SEC24D: variants seen among roughly 807,000 people sequenced by gnomAD.
The protein encoded by SEC24D is SEC24 homolog D, COPII component.
Under a neutral mutation model 116.9 loss-of-function variants are expected in SEC24D, and 69 were observed. The observed-to-expected ratio is 0.59, with a 90% confidence interval of 0.49 to 0.72. The LOEUF (loss-of-function observed/expected upper bound fraction) is 0.72. SEC24D is among the 30% of genes least tolerant of loss of function. SEC24D has a pLI of 0.00. For synonymous variants in SEC24D, 405 were observed against 442.8 expected (o/e 0.91, Z 1.07); for missense variants, 1,131 against 1,264.1 (o/e 0.89, Z 1.60).
chr4:118,798,824 G>A (rs893003051), intron 7 of SEC24D, among the ~76,000 whole-genome samples: 4 of 152,218 alleles, frequency 2.6e-5, no homozygotes, highest in African/African-American at 7.2e-5. Flanking sequence ...TACCCTAGTG[G>A]GTATCTGGGG....
chr4:118,757,620 T>C, intron 11 of SEC24D, 101 bp downstream of exon 11: 1 of 1,086,814 alleles, frequency 9.2e-7, no homozygotes, highest in Non-Finnish European at 1.3e-6. Context: ...AGTGTCCTCA[T>C]TAGCAAAAAA....
chr4:118,782,129 T>A (rs1034973519), intron 8 of SEC24D, among the ~76,000 whole-genome samples: 4 of 152,246 alleles, frequency 2.6e-5, no homozygotes, highest in Admixed American at 1.3e-4. Flanking sequence ...GTTCCATTGT[T>A]GGCAAGGAGC....
At chr4:118,757,896 C>T (rs373989833) in intron 10 of SEC24D, 51 bp from the exon 11 acceptor site, 3 of 1,479,960 alleles carry the variant, frequency 2.0e-6, no homozygotes, top group South Asian at 2.5e-5. Context: ...ATTGCATAAT[C>T]AAATGTCAAT....
intron 18 of SEC24D, 62 bp downstream of exon 18, chr4:118,739,087 G>T: frequency 6.4e-7 from 1 of 1,567,086 alleles, no homozygotes. Flanking sequence ...TTTAGCTACT[G>T]ACAAATCTTG....
intron 15 of SEC24D, among the ~76,000 whole-genome samples, chr4:118,742,075 G>T (rs1324748390): frequency 2.6e-5 from 4 of 151,730 alleles, no homozygotes; most frequent in African/African-American, 9.7e-5. Context: ...TAGTAACATT[G>T]AAAGAATCAG....
chr4:118,780,906 G>GATTTTTTTTTTTTTTTTTTTT (rs1728368824), intron 8 of SEC24D, among the ~76,000 whole-genome samples: 1 of 106,080 alleles, frequency 9.4e-6, no homozygotes, highest in Non-Finnish European at 1.9e-5. Context: ...TGCAACCCCT[G>GATTTTTTTTTTTTTTTTTTTT]CTTTTTTTTT....
chr4:118,770,120 G>C (rs193296930), intron 8 of SEC24D, among the ~76,000 whole-genome samples: 16 of 152,240 alleles, frequency 1.1e-4, no homozygotes, highest in East Asian at 7.7e-4. Flanking sequence ...ACACTCTAAT[G>C]GTTAAAAGTT....
chr4:118,762,722 T>C (rs1428063112), intron 10 of SEC24D, among the ~76,000 whole-genome samples: 1 of 152,232 alleles, frequency 6.6e-6, no homozygotes, highest in Admixed American at 6.5e-5. Flanking sequence ...ATATTTATTA[T>C]GAACTCTACT....
intron 19 of SEC24D, 66 bp from the exon 20 acceptor site, chr4:118,732,978 CT>C: frequency 7.5e-7 from 1 of 1,329,048 alleles, no homozygotes; most frequent in Non-Finnish European, 1.1e-6. Flanking sequence ...TGAGCTTCAT[CT>C]GTAAGACTGA....
chr4:118,731,110 C>A, intron 21 of SEC24D: 1 of 552,082 alleles, frequency 1.8e-6, no homozygotes, highest in Non-Finnish European at 3.2e-6. Flanking sequence ...ATTAAAGTCA[C>A]ATATTTTAGT....
chr4:118,734,401 T>C (rs1248702806), intron 19 of SEC24D, among the ~76,000 whole-genome samples: 1 of 151,744 alleles, frequency 6.6e-6, no homozygotes. Context: ...TTAGTAGAGA[T>C]GGGGTTTCGC....
intron 3 of SEC24D, among the ~76,000 whole-genome samples, chr4:118,817,864 C>A (rs1013127313): frequency 7.2e-6 from 1 of 139,044 alleles, no homozygotes; most frequent in African/African-American, 2.5e-5. Flanking sequence ...CATAGTGAGA[C>A]CCCCTTCTCT....
intron 8 of SEC24D, among the ~76,000 whole-genome samples, chr4:118,789,803 CT>C (rs1236514867): frequency 6.6e-6 from 1 of 152,168 alleles, no homozygotes; most frequent in African/African-American, 2.4e-5. Context: ...CCAGGATGGT[CT>C]TGATCTCCTG....
intron 3 of SEC24D, among the ~76,000 whole-genome samples, chr4:118,820,373 G>T (rs1730349225): frequency 1.3e-5 from 2 of 152,000 alleles, no homozygotes; most frequent in South Asian, 2.1e-4. Flanking sequence ...TAGAGACAGG[G>T]TTTCACCATG....
intron 8 of SEC24D, among the ~76,000 whole-genome samples, chr4:118,779,837 T>G (rs1728315287): frequency 6.6e-6 from 1 of 152,156 alleles, no homozygotes; most frequent in South Asian, 2.1e-4. Context: ...CTTGGGAGGG[T>G]GTATGTGTTG....
chr4:118,810,112 GTGTGTGTGTGTGTGTGTGTGTGTGT>G (rs1560736932), intron 6 of SEC24D, among the ~76,000 whole-genome samples: 8 of 149,230 alleles, frequency 5.4e-5, no homozygotes, highest in East Asian at 2.0e-4. Flanking sequence ...GTGTGTGTGT[GTGTGTGTGTGTGTGTGTGTGTGTGT>G]CAGAGGGTAT....
chr4:118,760,111 C>T (rs1010572772), intron 10 of SEC24D, among the ~76,000 whole-genome samples: 5 of 152,168 alleles, frequency 3.3e-5, no homozygotes, highest in Non-Finnish European at 7.3e-5. Flanking sequence ...CTTTTAGTTC[C>T]AGTAGCCAAA....
At chr4:118,728,025 T>A (rs145497992) in intron 22 of SEC24D, among the ~76,000 whole-genome samples, 55 of 152,116 alleles carry the variant, frequency 3.6e-4, no homozygotes, top group African/African-American at 1.3e-3. Flanking sequence ...CCCAGGAGAC[T>A]CTAATATTGA....
At chr4:118,809,058 C>T (rs1180928021) in intron 6 of SEC24D, among the ~76,000 whole-genome samples, 2 of 151,718 alleles carry the variant, frequency 1.3e-5, no homozygotes, top group African/African-American at 4.8e-5. Flanking sequence ...CCTGCAAGCT[C>T]TGCCTCCCAG....
Sources: gnomAD v4.1 joint callset for allele counts (sites outside exome capture counted in the v4.1 genomes callset) on GRCh38, gnomAD v4.1.1 for gene constraint, MANE v1.5 for transcripts, NCBI Gene and HGNC (gene_info 2026-07-23, HGNC 2026-07-21) for gene names.